KIAA1217: variants seen among roughly 807,000 people sequenced by gnomAD.
The protein encoded by KIAA1217 is KIAA1217.
A neutral mutation model predicts 163.9 loss-of-function variants in KIAA1217; 88 were observed. The observed-to-expected ratio is 0.54, with a 90% CI of 0.45 to 0.64. KIAA1217 has a LOEUF of 0.64. KIAA1217 is among the 30% of genes least tolerant of loss of function. The pLI is 0.00. For missense variants in KIAA1217, 2,372 were observed against 2,475.0 expected (o/e 0.96, Z 0.88); for synonymous variants, 903 against 923.1 (o/e 0.98, Z 0.39).
At chr10:23,994,948 A>G (rs578050858) in intron 1 of KIAA1217, among the ~76,000 whole-genome samples, 65 of 152,316 alleles carry the variant, frequency 4.3e-4, no homozygotes, top group African/African-American at 1.5e-3. Flanking sequence ...ATATGAATGC[A>G]TTATTTACAA....
rs2069497223 is a variant in KIAA1217, at chr10:24,513,241, A to T, written c.2002-18A>T. On this transcript the variant is annotated intron_variant, in intron 9 of 20. Transcript: ENST00000376454. ...AGGCAGGCAGAGCCCACTGAGGTTG[A>T]TTTTTTTGTGTTCACAGCTGCAGAA... The T allele has an allele frequency of 1.9e-6, 3 of 1,611,948 alleles. No homozygotes were observed. Among genetic ancestry groups the T allele is most frequent in the African/African-American group, 2.7e-5 (2 of 74,820 alleles).
chr10:24,147,965 T>A (rs1409205708), intron 2 of KIAA1217, among the ~76,000 whole-genome samples: 1 of 151,966 alleles, frequency 6.6e-6, no homozygotes. Context: ...GCTATTACAC[T>A]TAGTGCATGT....
At chr10:23,823,403 G>A (rs967766263) in intron 1 of KIAA1217, among the ~76,000 whole-genome samples, 7 of 152,158 alleles carry the variant, frequency 4.6e-5, no homozygotes, top group African/African-American at 9.7e-5. Context: ...TCCTTCTTAC[G>A]CTTAGAATCT....
Position 23,884,119 on chromosome 10 carries a change from A to G in KIAA1217, c.-320-123106A>G, listed in dbSNP as rs1297909880. On this transcript the variant is annotated intron_variant, in intron 1 of 18. Transcript: ENST00000376462. ...ATTAAGTTTTCAACTCCTTTGGGTAAATGCCAAGGAATGTAATTGCTGGAT... is the reference window on the plus strand; with the variant it reads ...ATTAAGTTTTCAACTCCTTTGGGTAGATGCCAAGGAATGTAATTGCTGGAT... 2.0e-5 allele frequency among the ~76,000 whole-genome samples: 3 copies of G among 151,898 alleles called. No individual in the cohort carries two copies. In the East Asian group the frequency reaches 5.9e-4, roughly 30 times the overall value.
chr10:23,852,102 T>A, intron 1 of KIAA1217, among the ~76,000 whole-genome samples: 1 of 152,216 alleles, frequency 6.6e-6, no homozygotes, highest in Admixed American at 6.5e-5. Flanking sequence ...GCCTATGTCC[T>A]GAATGGTAAT....
intron 1 of KIAA1217, among the ~76,000 whole-genome samples, chr10:23,935,259 C>A (rs1843477080): frequency 6.6e-6 from 1 of 152,208 alleles, no homozygotes; most frequent in Non-Finnish European, 1.5e-5. Context: ...GAAGCACTTA[C>A]AGACGATGGG....
At chr10:24,328,701 A>G (rs1465035467) in intron 2 of KIAA1217, among the ~76,000 whole-genome samples, 3 of 152,048 alleles carry the variant, frequency 2.0e-5, no homozygotes, top group Non-Finnish European at 2.9e-5. Flanking sequence ...CTCACAAACA[A>G]TGTAATTAAT....
intron 2 of KIAA1217, among the ~76,000 whole-genome samples, chr10:24,291,649 G>A (rs1013340089): frequency 6.6e-6 from 1 of 152,108 alleles, no homozygotes; most frequent in South Asian, 2.1e-4. Context: ...GTCCTGTCCG[G>A]TAGTGGGCTT....
At chr10:23,749,195 A>G (rs1368355078) in intron 1 of KIAA1217, among the ~76,000 whole-genome samples, 1 of 152,182 alleles carries the variant, frequency 6.6e-6, no homozygotes, top group Admixed American at 6.5e-5. Flanking sequence ...CTCATTTGCC[A>G]TCTGCCTCCT....
intron 1 of KIAA1217, among the ~76,000 whole-genome samples, chr10:23,736,430 GACTC>G (rs1397665344): frequency 1.3e-5 from 2 of 152,106 alleles, no homozygotes; most frequent in Non-Finnish European, 2.9e-5. Context: ...CTGTATGAGA[GACTC>G]AGTGTTTACA....
intron 19 of KIAA1217, among the ~76,000 whole-genome samples, chr10:24,544,684 G>C (rs2075510171): frequency 1.3e-5 from 2 of 151,648 alleles, no homozygotes; most frequent in South Asian, 4.1e-4. Flanking sequence ...CAGCTAATCA[G>C]TTCTGTTTTT....
intron 2 of KIAA1217, among the ~76,000 whole-genome samples, chr10:24,139,693 A>G (rs1353883431): frequency 6.6e-6 from 1 of 152,194 alleles, no homozygotes; most frequent in South Asian, 2.1e-4. Context: ...TGGTCATAAT[A>G]ATATCCATTT....
At chr10:23,909,106 T>C (rs1295725365) in intron 1 of KIAA1217, among the ~76,000 whole-genome samples, 1 of 152,118 alleles carries the variant, frequency 6.6e-6, no homozygotes, top group Non-Finnish European at 1.5e-5. Flanking sequence ...TCAGGAATGG[T>C]AACCAAAACA....
chr10:23,984,411 A>G (rs1845888093), intron 1 of KIAA1217, among the ~76,000 whole-genome samples: 1 of 152,228 alleles, frequency 6.6e-6, no homozygotes, highest in Non-Finnish European at 1.5e-5. Context: ...TACTTTGGGT[A>G]TATACCCAGT....
intron 5 of KIAA1217, among the ~76,000 whole-genome samples, chr10:24,471,992 G>T (rs78603573): frequency 6.6e-6 from 1 of 151,906 alleles, no homozygotes; most frequent in African/African-American, 2.4e-5. Flanking sequence ...TGACTTGAAT[G>T]GTCGATTAAC....
At chr10:24,161,855 G>C (rs1163775634) in intron 2 of KIAA1217, among the ~76,000 whole-genome samples, 1 of 152,196 alleles carries the variant, frequency 6.6e-6, no homozygotes, top group Non-Finnish European at 1.5e-5. Context: ...ACCAAGCTCA[G>C]CTCTTCTCCT....
intron 3 of KIAA1217, among the ~76,000 whole-genome samples, chr10:24,399,419 C>A (rs923818341): frequency 2.0e-5 from 3 of 152,172 alleles, no homozygotes; most frequent in Admixed American, 6.5e-5. Flanking sequence ...CTATCATTGT[C>A]CTTTCACATC....
intron 1 of KIAA1217, among the ~76,000 whole-genome samples, chr10:23,850,325 T>G (rs1414456994): frequency 6.6e-6 from 1 of 152,156 alleles, no homozygotes; most frequent in East Asian, 1.9e-4. Context: ...CTTTCATGTT[T>G]AAGTCTCCCA....
At chr10:23,946,237 A>AT (rs2131344845) in intron 1 of KIAA1217, among the ~76,000 whole-genome samples, 1 of 147,084 alleles carries the variant, frequency 6.8e-6, no homozygotes, top group South Asian at 2.1e-4. Flanking sequence ...AAATCCATGC[A>AT]TGCTGTGTGC....
Sources: allele counts gnomAD v4.1 joint callset (sites outside exome capture counted in the v4.1 genomes callset), GRCh38; gene constraint gnomAD v4.1.1; transcripts MANE v1.5; gene names NCBI Gene and HGNC (gene_info 2026-07-23, HGNC 2026-07-21).